HIVEP2: variants seen among roughly 807,000 people sequenced by gnomAD.
HIVEP2 encodes the protein transcription factor HIVEP2.
A neutral mutation model predicts 180.7 loss-of-function variants in HIVEP2; 14 were observed. That is an observed-to-expected ratio of 0.08 (90% CI 0.05 to 0.12). HIVEP2 has a LOEUF of 0.12. Among genes scored for constraint, HIVEP2 ranks in the 10% least tolerant of loss-of-function variants. The probability of loss-of-function intolerance (pLI) is 1.00; values close to 1 mark genes in which losing one functional copy is unlikely to be tolerated. For synonymous variants in HIVEP2, 1,184 were observed against 1,136.4 expected, an observed-to-expected ratio of 1.04 and a Z score of -0.84; for missense variants, 2,579 against 3,008.5, an observed-to-expected ratio of 0.86 and a Z score of 3.34.
rs199935129 is a variant in HIVEP2 at position 142,753,379 on chromosome 6, G to A, written c.7069C>T (p.Pro2357Ser). The A allele has an allele frequency of 9.7e-4, 1,559 of 1,613,952 alleles. 1 individual carries two copies. Among genetic ancestry groups the A allele is most frequent in the Non-Finnish European group, 1.2e-3 (1,384 of 1,180,022 alleles). ...GPDQPARVQE[P>S]HQNPLGSAHV... ...GCACTTCCCAGGGGGTTCTGGTGGG[G>A]CTCCTGCACCCGCGCTGGCTGATCT... The change falls in exon 10 of 10, where the codon CCC becomes TCC. Residue 2357 changes from proline to serine, a missense_variant. This residue lies in a region of HIVEP2 where 660 missense variants were observed against 731.7 expected (regional missense o/e 0.90). Coordinates refer to ENST00000367603, the MANE Select transcript of HIVEP2 (RefSeq NM_006734.4).
intron 2 of HIVEP2, among the ~76,000 whole-genome samples, chr6:142,812,266 C>G (rs1236149469): frequency 2.6e-5 from 4 of 152,166 alleles, no homozygotes; most frequent in Non-Finnish European, 5.9e-5. Flanking sequence ...AGGGAAAAAC[C>G]ACCTGAAAGT....
At chr6:142,862,323 C>T (rs1775999614) in intron 1 of HIVEP2, among the ~76,000 whole-genome samples, 1 of 151,074 alleles carries the variant, frequency 6.6e-6, no homozygotes, top group Non-Finnish European at 1.5e-5. Context: ...ATTAGCAAAT[C>T]TATTATATAT....
intron 1 of HIVEP2, among the ~76,000 whole-genome samples, chr6:142,892,136 A>T (rs765560126): frequency 1.3e-5 from 2 of 152,116 alleles, no homozygotes; most frequent in African/African-American, 4.8e-5. Context: ...ATGGGTTTTG[A>T]TATCTTTTAC....
At chr6:142,821,264 C>T (rs1264184179) in intron 2 of HIVEP2, among the ~76,000 whole-genome samples, 4 of 150,858 alleles carry the variant, frequency 2.7e-5, no homozygotes, top group African/African-American at 9.8e-5. Flanking sequence ...CCTCCTAGGA[C>T]TACATTTAAA....
upstream of HIVEP2, chr6:142,945,179 G>T (rs1381744803): frequency 6.6e-6 from 1 of 151,136 alleles, no homozygotes; most frequent in African/African-American, 2.4e-5. This position sits in a 1 kb window ranked among gnomAD's most constrained non-coding sequence, Gnocchi z 5.5. Context: ...TCATTAGTAA[G>T]CAGGCACATT....
At chr6:142,828,644 C>T (rs1192218127) in intron 2 of HIVEP2, among the ~76,000 whole-genome samples, 1 of 152,082 alleles carries the variant, frequency 6.6e-6, no homozygotes, top group East Asian at 1.9e-4. Context: ...GTTGGTCAGG[C>T]TGGTCTCGAA....
At chr6:142,757,916 A>G (rs1298323450) in intron 9 of HIVEP2, among the ~76,000 whole-genome samples, 1 of 152,214 alleles carries the variant, frequency 6.6e-6, no homozygotes. Flanking sequence ...GAAGAATCGC[A>G]TGTTTGCAGT....
chr6:142,758,577 G>A (rs1469058501), intron 9 of HIVEP2, among the ~76,000 whole-genome samples: 1 of 152,204 alleles, frequency 6.6e-6, no homozygotes, highest in African/African-American at 2.4e-5. Flanking sequence ...AAGGCAGACA[G>A]ATTCCAAAGG....
chr6:142,771,824 T>G lies in HIVEP2; in HGVS notation c.2915A>C (p.Asn972Thr), dbSNP rs1176476165. The change falls in exon 5 of 10, where the codon AAC becomes ACC. Residue 972 changes from asparagine to threonine, a missense_variant. Physicochemically the swap from Asn to Thr is moderately conservative, Grantham distance 65. Around this residue, in one of 11 missense-constraint regions of HIVEP2, gnomAD observed 523 missense variants for 577.0 expected, o/e 0.91. Transcript: ENST00000367603. The surrounding 1 kb of genome is among the most constrained non-coding windows in gnomAD (Gnocchi z 5.4). ...GLSRSPSQESNLSHSSSFSMS... is the reference protein window; with the variant it reads ...GLSRSPSQESTLSHSSSFSMS... ...GGAGAAACTGGAGCTGTGGGACAAG[T>G]TGCTTTCTTGGCTGGGGCTGCGGGA... 5.0e-6 allele frequency: 8 copies of G among 1,614,090 alleles called. No individual in the cohort carries two copies. Among genetic ancestry groups the G allele is most frequent in the Non-Finnish European group, 6.8e-6 (8 of 1,180,042 alleles).
At chr6:142,862,391 T>C (rs534902922) in intron 1 of HIVEP2, among the ~76,000 whole-genome samples, 26 of 149,336 alleles carry the variant, frequency 1.7e-4, no homozygotes, top group East Asian at 3.9e-4. Context: ...TTACATGTAT[T>C]ACATATTTTA....
At chr6:142,867,583 T>C (rs375568597) in intron 1 of HIVEP2, among the ~76,000 whole-genome samples, 3 of 152,302 alleles carry the variant, frequency 2.0e-5, no homozygotes, top group South Asian at 2.1e-4. Context: ...GCAGCTGATA[T>C]ATTACTCTAC....
chr6:142,843,875 C>T (rs986462958), intron 1 of HIVEP2, among the ~76,000 whole-genome samples: 10 of 152,108 alleles, frequency 6.6e-5, no homozygotes, highest in African/African-American at 2.2e-4. Context: ...ATATGTATGC[C>T]TTTGGTTAAC....
At chr6:142,940,883 G>A (rs1408358977) in intron 1 of HIVEP2, among the ~76,000 whole-genome samples, 2 of 152,182 alleles carry the variant, frequency 1.3e-5, no homozygotes, top group East Asian at 3.8e-4. Context: ...AGTAGCAGGT[G>A]AGACCCCCTC....
rs547032307 is a variant in HIVEP2 at position 142,897,876 on chromosome 6, C to G, written c.-641+47223G>C. Among the ~76,000 whole-genome samples, 4 of 152,358 alleles carry G rather than the reference C, an allele frequency of 2.6e-5. No individual in the cohort carries two copies. In the South Asian group the frequency reaches 6.2e-4, roughly 24 times the overall value. On this transcript the variant is annotated intron_variant, in intron 1 of 9. Coordinates refer to ENST00000367603, the MANE Select transcript of HIVEP2 (RefSeq NM_006734.4). Reference sequence around the variant, plus strand: ...TTCAAAACACTCTTGACCTCCTTCTCTGTCTCACTCTATAGATGCTAAGAT... The same window carrying G: ...TTCAAAACACTCTTGACCTCCTTCTGTGTCTCACTCTATAGATGCTAAGAT...
chr6:142,863,593 C>T (rs1039790800), intron 1 of HIVEP2, among the ~76,000 whole-genome samples: 1 of 152,186 alleles, frequency 6.6e-6, no homozygotes, highest in East Asian at 1.9e-4. Flanking sequence ...TAATTGAGTT[C>T]TCAGAAAGAA....
At chr6:142,850,702 G>C (rs1195951631) in intron 1 of HIVEP2, among the ~76,000 whole-genome samples, 2 of 152,192 alleles carry the variant, frequency 1.3e-5, no homozygotes. Context: ...ATCTAGATGG[G>C]AGGGAATTCC....
At chr6:142,893,282 T>C (rs1385123449) in intron 1 of HIVEP2, among the ~76,000 whole-genome samples, 5 of 152,200 alleles carry the variant, frequency 3.3e-5, no homozygotes, top group African/African-American at 7.2e-5. Context: ...GAGGTCATCA[T>C]ATGTGTAATA....
Position 142,772,505 on chromosome 6 carries a change from G to C in HIVEP2, c.2234C>G (p.Ala745Gly). Residue 745 changes from alanine to glycine, a missense_variant, in exon 5 of 10, where the codon GCT becomes GGT. Coordinates refer to ENST00000367603, the MANE Select transcript of HIVEP2 (RefSeq NM_006734.4). This position sits in a 1 kb window ranked among gnomAD's most constrained non-coding sequence, Gnocchi z 4.9. ...QEGVRSGFAM[A>G]GHENLSHGHT... ...ACCATGAGAAAGGTTTTCGTGTCCA[G>C]CCATGGCAAATCCACTCCTGACTCC... 6.2e-7 allele frequency: 1 copy of C among 1,614,058 alleles called. No individual in the cohort carries two copies. Among genetic ancestry groups the C allele is most frequent in the Non-Finnish European group, 8.5e-7 (1 of 1,180,042 alleles).
chr6:142,900,117 G>GT (rs1323050670), intron 1 of HIVEP2, among the ~76,000 whole-genome samples: 1 of 152,192 alleles, frequency 6.6e-6, no homozygotes, highest in East Asian at 1.9e-4. Context: ...AATATTCCAT[G>GT]TATCTCCTGG....
Sources: gnomAD v4.1 joint callset for allele counts (sites outside exome capture counted in the v4.1 genomes callset) on GRCh38, gnomAD v4.1.1 for gene constraint, gnomAD v4.1.1 regional missense constraint, Gnocchi (gnomAD v3.1) non-coding constraint, MANE v1.5 for transcripts, NCBI Gene and HGNC (gene_info 2026-07-23, HGNC 2026-07-21) for gene names.